The following HDX variants were observed in gnomAD, a reference collection of about 807,000 sequenced individuals.
HDX encodes chromosome X open reading frame 43.
A neutral mutation model predicts 45.2 loss-of-function variants in HDX; 19 were observed. The ratio of observed to expected loss-of-function variants is 0.42; its 90% CI spans 0.29 to 0.62. The LOEUF is 0.62. Ranked by LOEUF, HDX falls within the 20% of genes least tolerant of loss-of-function variation. The probability of loss-of-function intolerance (pLI) is 0.20; values close to 1 mark genes in which losing one functional copy is unlikely to be tolerated. For missense variants in HDX, 532 were observed against 493.9 expected (o/e 1.08, Z -0.73); for synonymous variants, 188 against 172.8 (o/e 1.09, Z -0.69).
intron 6 of HDX, among the ~76,000 whole-genome samples, chrX:84,352,154 T>C (rs1272647393): frequency 8.9e-6 from 1 of 112,336 alleles, no homozygotes; most frequent in East Asian, 2.8e-4. Context: ...TGAAGTTAAA[T>C]TTTATACTTG....
chrX:84,484,130 C>T (rs1222420736), intron 2 of HDX, among the ~76,000 whole-genome samples: 2 of 112,090 alleles, frequency 1.8e-5, no homozygotes, highest in Non-Finnish European at 1.9e-5. Flanking sequence ...CTGTCTTCTT[C>T]TGAGCCATCC....
At chrX:84,430,546 T>G (rs1016755317) in intron 5 of HDX, among the ~76,000 whole-genome samples, 3 of 111,012 alleles carry the variant, frequency 2.7e-5, no homozygotes, top group African/African-American at 9.8e-5. Context: ...AGTAGTGGAA[T>G]CGCTGGATCA....
At chrX:84,362,040 G>T (rs958743931) in intron 5 of HDX, among the ~76,000 whole-genome samples, 1 of 111,077 alleles carries the variant, frequency 9.0e-6, no homozygotes, top group Non-Finnish European at 1.9e-5. Context: ...GCAAAGACAG[G>T]CTTATATTAG....
intron 5 of HDX, among the ~76,000 whole-genome samples, chrX:84,378,439 C>T (rs138684265): frequency 0.11 from 12,005 of 110,904 alleles, 625 homozygotes; most frequent in East Asian, 0.26. Flanking sequence ...ATAATAACTA[C>T]AAAACCTTTT....
chrX:84,440,869 T>A lies in HDX; in HGVS notation c.1252-284A>T, dbSNP rs746642765. Among the ~76,000 whole-genome samples, 7 of 110,778 alleles carry A rather than the reference T, an allele frequency of 6.3e-5. No homozygotes were observed. The East Asian group carries it at 2.0e-3, about 31-fold the overall frequency. On this transcript the variant is annotated intron_variant, in intron 4 of 10. Coordinates refer to ENST00000373177, the MANE Select transcript of HDX (RefSeq NM_001177479.2). Reference sequence around the variant, plus strand: ...TGGGACTCTGTTGCAAGTTTTAAAATCTATAGATAATACATTTGTTATAAT... The same window carrying A: ...TGGGACTCTGTTGCAAGTTTTAAAAACTATAGATAATACATTTGTTATAAT...
In HDX at chrX:84,461,512, T is replaced by TAA. The variant is rs763685063; in HGVS notation, c.1251+6958_1251+6959dup. 7.0e-3 allele frequency among the ~76,000 whole-genome samples: 739 copies of TAA among 105,326 alleles called. 6 individuals carry two copies. The highest frequency in any genetic ancestry group is 0.024 in the African/African-American group (690 of 29,069). 91.5% of individuals were successfully genotyped at this position (105,326 alleles called of 115,157 possible). On this transcript the variant is annotated intron_variant, in intron 4 of 10. Transcript: ENST00000373177. ...AGACCCCCATCTCTCACTATATAAT[T>TAA]AAAAAAAAAAGTATTAAAAACAAAT... is the stretch of plus-strand genomic sequence containing the variant.
intron 7 of HDX, among the ~76,000 whole-genome samples, chrX:84,342,768 A>T (rs2037115856): frequency 1.8e-5 from 2 of 111,472 alleles, no homozygotes; most frequent in Non-Finnish European, 3.8e-5. Flanking sequence ...GGGTATATTT[A>T]CATAATTGTA....
chrX:84,469,469 A>G lies in HDX; in HGVS notation c.254T>C (p.Val85Ala). The G allele has an allele frequency of 1.7e-6, 2 of 1,210,947 alleles. No individual in the cohort carries two copies. ...LSAPDITVRNVVNIARPSSQQ... is the reference protein window; with the variant it reads ...LSAPDITVRNAVNIARPSSQQ... ...GCTTGAGGGTCGAGCAATATTAACCACATTTCTGACTGTGATGTCTGGAGC... is the reference window on the plus strand; with the variant it reads ...GCTTGAGGGTCGAGCAATATTAACCGCATTTCTGACTGTGATGTCTGGAGC... Residue 85 changes from valine to alanine, a missense_variant, in exon 4 of 11, where the codon GTG becomes GCG. Val to Ala is a moderately conservative substitution (Grantham distance 64). This residue lies in a region of HDX where 376 missense variants were observed against 343.7 expected (regional missense o/e 1.09). Transcript: ENST00000373177.
At chrX:84,412,672 T>A (rs1414355932) in intron 5 of HDX, among the ~76,000 whole-genome samples, 1 of 111,398 alleles carries the variant, frequency 9.0e-6, no homozygotes, top group East Asian at 2.8e-4. Flanking sequence ...TTGTATAGTA[T>A]CTCCAAGGGG....
intron 5 of HDX, among the ~76,000 whole-genome samples, chrX:84,392,944 T>C (rs777348912): frequency 9.3e-6 from 1 of 106,979 alleles, no homozygotes; most frequent in Non-Finnish European, 2.0e-5. Flanking sequence ...TAAACAGGGA[T>C]AGTTGGACTT....
chrX:84,351,010 GCTATCTATCTATCTATCTAT>G (rs199956764), intron 6 of HDX, among the ~76,000 whole-genome samples: 6 of 105,938 alleles, frequency 5.7e-5, no homozygotes, highest in South Asian at 4.3e-4. Context: ...ATTGATCCAG[GCTATCTATCTATCTATCTAT>G]CTATCTATCT....
intron 1 of HDX, among the ~76,000 whole-genome samples, chrX:84,500,490 A>C (rs1205003118): frequency 1.8e-5 from 2 of 109,556 alleles, no homozygotes; most frequent in Non-Finnish European, 3.8e-5. Context: ...CAACAACAAC[A>C]ATAACAAAGG....
Position 84,488,742 on chromosome X carries a change from C to T in HDX, c.-109-610G>A, listed in dbSNP as rs762241094. Among the ~76,000 whole-genome samples, 124 of 111,158 alleles carry T rather than the reference C, an allele frequency of 1.1e-3. 1 individual carries two copies. Among genetic ancestry groups the T allele is most frequent in the Non-Finnish European group, 1.4e-3 (75 of 52,859 alleles). On this transcript the variant is annotated intron_variant, in intron 1 of 10. Coordinates refer to ENST00000373177, the MANE Select transcript of HDX (RefSeq NM_001177479.2). ...TTAGATGAAAATATTTCTGAACTAC[C>T]TTATTCACTCTCTTGAGTTGTTAAA...
chrX:84,339,942 A>G (rs775188258), intron 7 of HDX, among the ~76,000 whole-genome samples: 1 of 112,060 alleles, frequency 8.9e-6, no homozygotes, highest in African/African-American at 3.2e-5. Context: ...AGATACAGAA[A>G]TTAAGGAGCT....
intron 4 of HDX, among the ~76,000 whole-genome samples, chrX:84,459,514 C>A (rs1202835499): frequency 2.8e-5 from 3 of 107,315 alleles, no homozygotes; most frequent in African/African-American, 1.0e-4. Flanking sequence ...AATGATAAAA[C>A]AACACACCCA....
Position 84,468,603 on chromosome X carries a change from T to C in HDX, c.1120A>G (p.Thr374Ala), listed in dbSNP as rs141686783. 2.2e-5 allele frequency: 27 copies of C among 1,204,975 alleles called. No individual in the cohort carries two copies. The African/African-American group carries it at 3.5e-4, about 16-fold the overall frequency. The stretch of plus-strand genomic sequence containing the variant: ...GCTGTATGTAATGAGGTCCGTGGTG[T>C]CAAATGGTAGTTTCTGTTTTGATAC... ...VLYQNRNYHLTPRTSLHTASS... is the reference protein window; with the variant it reads ...VLYQNRNYHLAPRTSLHTASS... Residue 374 changes from threonine (T) to alanine (A), a missense_variant, in exon 4 of 11, where the codon ACA becomes GCA. Around this residue, in one of 3 missense-constraint regions of HDX, gnomAD observed 376 missense variants for 343.7 expected, o/e 1.09. Coordinates refer to ENST00000373177, the MANE Select transcript of HDX (RefSeq NM_001177479.2).
At chrX:84,369,680 C>T (rs1394675704) in intron 5 of HDX, among the ~76,000 whole-genome samples, 1 of 112,075 alleles carries the variant, frequency 8.9e-6, no homozygotes, top group Non-Finnish European at 1.9e-5. Flanking sequence ...CTTTGATTTG[C>T]ATTTCCCTGT....
intron 6 of HDX, among the ~76,000 whole-genome samples, chrX:84,360,954 T>G (rs1172549032): frequency 8.9e-6 from 1 of 111,854 alleles, no homozygotes; most frequent in East Asian, 2.8e-4. Context: ...GTGGAATTTT[T>G]GGTCATATGA....
chrX:84,322,747 AT>A (rs1477858109), intron 10 of HDX, among the ~76,000 whole-genome samples: 1 of 111,162 alleles, frequency 9.0e-6, no homozygotes, highest in African/African-American at 3.3e-5. Context: ...ACATGCACCC[AT>A]TCTAAAGAAA....
Sources: gnomAD v4.1 joint callset for allele counts (sites outside exome capture counted in the v4.1 genomes callset) on GRCh38, gnomAD v4.1.1 for gene constraint, gnomAD v4.1.1 regional missense constraint, MANE v1.5 for transcripts, NCBI Gene and HGNC (gene_info 2026-07-23, HGNC 2026-07-21) for gene names.